SNRPN: variants seen among roughly 807,000 people sequenced by gnomAD.
The protein encoded by SNRPN is small nuclear ribonucleoprotein polypeptide N, also known as small nuclear ribonucleoprotein-associated protein N.
Under a neutral mutation model 25.2 loss-of-function variants are expected in SNRPN, and 7 were observed. The observed-to-expected ratio is 0.28, with a 90% CI of 0.16 to 0.52. The LOEUF is 0.52. SNRPN is among the 20% of genes least tolerant of loss of function. The probability of loss-of-function intolerance (pLI) is 0.96; values close to 1 mark genes in which losing one functional copy is unlikely to be tolerated. For missense variants in SNRPN, 196 were observed against 322.5 expected (o/e 0.61, Z 3.00); for synonymous variants, 124 against 110.6 (o/e 1.12, Z -0.76).
At chr15:24,846,997 G>A (rs980337604) in intron 2 of SNRPN, among the ~76,000 whole-genome samples, 2 of 152,108 alleles carry the variant, frequency 1.3e-5, no homozygotes, top group African/African-American at 4.8e-5. Flanking sequence ...CATAAACTCT[G>A]GGAAAAGTGT....
At chr15:24,832,051 GT>G (rs890124152) in intron 2 of SNRPN, among the ~76,000 whole-genome samples, 58 of 141,588 alleles carry the variant, frequency 4.1e-4, no homozygotes, top group East Asian at 1.8e-3. Context: ...TAATTCTATT[GT>G]TTTTTTTTTT....
intron 2 of SNRPN, among the ~76,000 whole-genome samples, chr15:24,835,155 T>C (rs1331511944): frequency 1.6e-5 from 1 of 63,154 alleles, no homozygotes; most frequent in Non-Finnish European, 3.1e-5. Context: ...ATATATAAAA[T>C]ATATAGTATA....
intron 3 of SNRPN, among the ~76,000 whole-genome samples, chr15:24,933,343 G>GAA (rs199642200): frequency 4.7e-5 from 7 of 147,420 alleles, no homozygotes; most frequent in African/African-American, 1.7e-4. Flanking sequence ...CTGGTTTAAA[G>GAA]AAAAAAAAAA....
At chr15:24,965,827 T>C (rs2075540880) in intron 2 of SNRPN, among the ~76,000 whole-genome samples, 1 of 152,176 alleles carries the variant, frequency 6.6e-6, no homozygotes, top group Non-Finnish European at 1.5e-5. Flanking sequence ...GAGGGGGACA[T>C]TGCAATAGAG....
At chr15:24,826,699 C>A (rs1047537927) in intron 1 of SNRPN, among the ~76,000 whole-genome samples, 1 of 152,002 alleles carries the variant, frequency 6.6e-6, no homozygotes, top group African/African-American at 2.4e-5. Context: ...TTAGTCTATG[C>A]ATGGGTATAG....
intron 1 of SNRPN, among the ~76,000 whole-genome samples, chr15:24,872,581 A>C (rs2055268292): frequency 8.8e-6 from 1 of 113,478 alleles, no homozygotes; most frequent in Non-Finnish European, 1.9e-5. Flanking sequence ...CCCCGTCTCT[A>C]CTAACAATAA....
At chr15:24,913,472 A>T (rs2059340071) in intron 2 of SNRPN, among the ~76,000 whole-genome samples, 1 of 151,944 alleles carries the variant, frequency 6.6e-6, no homozygotes, top group African/African-American at 2.4e-5. Flanking sequence ...GTGAAAGACC[A>T]CCTCTACTAA....
At chr15:24,896,712 T>TA (rs111680479) in intron 2 of SNRPN, among the ~76,000 whole-genome samples, 4,841 of 147,608 alleles carry the variant, frequency 0.033, 224 homozygotes, top group African/African-American at 0.11. Flanking sequence ...AGACTCCGTC[T>TA]AAAAAAAAAA....
At chr15:24,907,575 G>C (rs2058901630) in intron 2 of SNRPN, among the ~76,000 whole-genome samples, 1 of 152,034 alleles carries the variant, frequency 6.6e-6, no homozygotes, top group Non-Finnish European at 1.5e-5. Flanking sequence ...TCCAGCCTGG[G>C]TGACAGAGCG....
At chr15:24,967,417 A>C (rs1241729762) in intron 2 of SNRPN, among the ~76,000 whole-genome samples, 1 of 152,050 alleles carries the variant, frequency 6.6e-6, no homozygotes, top group Non-Finnish European at 1.5e-5. Flanking sequence ...AAGTGGGTGG[A>C]TCACCTGAGG....
At chr15:24,977,938 A>G (rs1245731805) in intron 8 of SNRPN, 22 bp downstream of exon 8, 1 of 1,535,476 alleles carries the variant, frequency 6.5e-7, no homozygotes, top group African/African-American at 1.4e-5. Flanking sequence ...GTGAACACGA[A>G]GACGAACTTG....
In SNRPN at chr15:24,864,171, C is replaced by T. The variant is rs577653052; in HGVS notation, c.-579+7455C>T. On this transcript the variant is annotated intron_variant, in intron 1 of 11. Transcript: ENST00000400097. ...CCTCCCAAGTAGCTGGGACTACAGG[C>T]GCCCACCACAACGCCCGGCTAATTT... Among the ~76,000 whole-genome samples the T allele has an allele frequency of 8.8e-5, 13 of 147,364 alleles. 2 individuals carry two copies. The highest frequency in any genetic ancestry group is 2.8e-4 in the African/African-American group (11 of 38,856).
intron 1 of SNRPN, among the ~76,000 whole-genome samples, chr15:24,880,900 C>G (rs2056514341): frequency 6.7e-6 from 1 of 149,142 alleles, no homozygotes; most frequent in Non-Finnish European, 1.5e-5. Context: ...TGGTCTCGAA[C>G]TTCTGGGCTC....
rs1227199927 is a variant in SNRPN, at chr15:24,929,923, C to A, written c.-391+9799C>A. On this transcript the variant is annotated intron_variant, in intron 3 of 11. Coordinates refer to the SNRPN transcript ENST00000400097. The surrounding 1 kb of genome is among the most constrained non-coding windows in gnomAD (Gnocchi z 5.3). ...AAAAAAATGGCCAGGCACGGTGGCT[C>A]ACACCTATAATCCCAGCACTTTGGG... Among the ~76,000 whole-genome samples the A allele has an allele frequency of 6.6e-6, 1 of 152,076 alleles. No homozygotes were observed. The highest frequency in any genetic ancestry group is 2.4e-5 in the African/African-American group (1 of 41,406).
intron 2 of SNRPN, 130 bp downstream of exon 2, chr15:24,962,339 A>G (rs769254063): frequency 4.0e-6 from 3 of 745,236 alleles, no homozygotes; most frequent in Non-Finnish European, 7.0e-6. Flanking sequence ...CAGAAGATGT[A>G]GTAAAAAAGC....
At chr15:24,927,359 T>A in intron 3 of SNRPN, among the ~76,000 whole-genome samples, 1 of 152,068 alleles carries the variant, frequency 6.6e-6, no homozygotes. Context: ...TAGGCTCAAG[T>A]GATCCTCCCA....
chr15:24,837,249 G>A (rs192007977), intron 2 of SNRPN, among the ~76,000 whole-genome samples: 1 of 152,060 alleles, frequency 6.6e-6, no homozygotes, highest in East Asian at 1.9e-4. Context: ...TTGGGCAAGC[G>A]TTAAGTCTGA....
intron 2 of SNRPN, among the ~76,000 whole-genome samples, chr15:24,889,192 A>G (rs1349896753): frequency 6.6e-6 from 1 of 152,238 alleles, no homozygotes; most frequent in Non-Finnish European, 1.5e-5. Flanking sequence ...TGCTGGGATT[A>G]CAGGCGTGAG....
intron 3 of SNRPN, chr15:24,920,420 G>C (rs1327899826): frequency 6.6e-6 from 1 of 152,046 alleles, no homozygotes; most frequent in African/African-American, 2.4e-5. Context: ...GTATCACCTG[G>C]GGGCTTGTTA....
Sources: gnomAD v4.1 joint callset for allele counts (sites outside exome capture counted in the v4.1 genomes callset) on GRCh38, gnomAD v4.1.1 for gene constraint, Gnocchi (gnomAD v3.1) non-coding constraint, MANE v1.5 for transcripts, NCBI Gene and HGNC (gene_info 2026-07-23, HGNC 2026-07-21) for gene names.